The following NMT1 variants were observed in gnomAD, a reference collection of about 807,000 sequenced individuals.
The protein encoded by NMT1 is glycylpeptide N-tetradecanoyltransferase 1.
A neutral mutation model predicts 63.4 loss-of-function variants in NMT1; 12 were observed. That is an observed-to-expected ratio of 0.19 (90% CI 0.12 to 0.31). The LOEUF is 0.31. Ranked by LOEUF, NMT1 falls within the 10% of genes least tolerant of loss-of-function variation. The pLI, the probability that NMT1 is intolerant of heterozygous loss-of-function variation, is 1.00. For synonymous variants in NMT1, 228 were observed against 234.3 expected (o/e 0.97, Z 0.25); for missense variants, 432 against 634.6 (o/e 0.68, Z 3.43).
Position 45,095,315 on chromosome 17 carries a change from C to T in NMT1, c.505-879C>T, listed in dbSNP as rs547286247. On this transcript the variant is annotated intron_variant, in intron 4 of 11. Coordinates refer to ENST00000258960, the MANE Select transcript of NMT1 (RefSeq NM_021079.5). ...TAGAGATGGGGTTTCACCACATTGG[C>T]CAGGCTGGTCTTAAACTTCTGACCT... Among the ~76,000 whole-genome samples the T allele has an allele frequency of 2.0e-5, 3 of 152,032 alleles. No individual in the cohort carries two copies. In the East Asian group the frequency reaches 5.8e-4, roughly 30 times the overall value.
Position 45,105,909 on chromosome 17 carries a change from A to C in NMT1, c.*270A>C. On this transcript the variant is annotated 3_prime_UTR_variant, in exon 12 of 12. Transcript: ENST00000258960. This position sits in a 1 kb window ranked among gnomAD's most constrained non-coding sequence, Gnocchi z 4.2. ...GTGATCAAGGGAATGTAACTGCTGA[A>C]AACTAGCTCGTGATTGGCATATAAT... 2.5e-6 allele frequency: 1 copy of C among 404,454 alleles called. No individual in the cohort carries two copies. The highest frequency in any genetic ancestry group is 4.4e-6 in the Non-Finnish European group (1 of 228,288). 25.1% of individuals were successfully genotyped at this position (404,454 alleles called of 1,614,324 possible).
chr17:45,082,982 A>G (rs1178191725), intron 2 of NMT1, among the ~76,000 whole-genome samples: 1 of 151,794 alleles, frequency 6.6e-6, no homozygotes, highest in Non-Finnish European at 1.5e-5. Flanking sequence ...ACGCCACTGC[A>G]CTCCAGCCTG....
At chr17:45,081,208 T>C (rs2054015357) in intron 1 of NMT1, among the ~76,000 whole-genome samples, 1 of 152,134 alleles carries the variant, frequency 6.6e-6, no homozygotes, top group Non-Finnish European at 1.5e-5. Flanking sequence ...ACCTAATACA[T>C]TTGGGAGGTG....
chr17:45,095,481 T>C (rs11871043), intron 4 of NMT1, among the ~76,000 whole-genome samples: 86,183 of 151,944 alleles, frequency 0.57, 25,005 homozygotes, highest in African/African-American at 0.63. Flanking sequence ...GCCTTTGTGG[T>C]TGGGTGTGGT....
At chr17:45,090,535 C>T (rs1004678414) in intron 3 of NMT1, among the ~76,000 whole-genome samples, 5 of 152,210 alleles carry the variant, frequency 3.3e-5, no homozygotes, top group Admixed American at 3.3e-4. Flanking sequence ...GTGCACTCAC[C>T]TGGTTTCCAT....
In NMT1 at chr17:45,093,686, C is replaced by T. The variant is rs199678185; in HGVS notation, c.387C>T (p.Gly129=). Residue 129 remains glycine, a splice_region_variant and synonymous_variant, in exon 4 of 12, where the codon GGC becomes GGT. Transcript: ENST00000258960. ...FWDTQPVPKL[G]EVVNTHGPVE... is the part of the protein sequence containing the mutation. The stretch of plus-strand genomic sequence containing the variant: ...CTCACAGCTGTGCTCTTCTTTCAGG[C>T]GAAGTGGTGAACACCCATGGCCCCG... 12 of 1,613,586 alleles carry T rather than the reference C, an allele frequency of 7.4e-6. No homozygotes were observed. Among genetic ancestry groups the T allele is most frequent in the African/African-American group, 1.3e-5 (1 of 75,058 alleles).
At chr17:45,073,763 T>C (rs1255715122) in intron 1 of NMT1, among the ~76,000 whole-genome samples, 1 of 152,220 alleles carries the variant, frequency 6.6e-6, no homozygotes, top group Non-Finnish European at 1.5e-5. Flanking sequence ...CTTTAGAGAT[T>C]GATGGCTCCT....
Position 45,105,813 on chromosome 17 carries a change from GCTGCGTGACGTCACCTCCGGTCGTGTCT to G in NMT1, c.*178_*205del. 1 of 593,856 alleles carries G rather than the reference GCTGCGTGACGTCACCTCCGGTCGTGTCT, an allele frequency of 1.7e-6. No homozygotes were observed. Among genetic ancestry groups the G allele is most frequent in the Non-Finnish European group, 2.9e-6 (1 of 343,858 alleles). 36.8% of individuals were successfully genotyped at this position (593,856 alleles called of 1,614,324 possible). On this transcript the variant is annotated 3_prime_UTR_variant, in exon 12 of 12. Transcript: ENST00000258960. This position sits in a 1 kb window ranked among gnomAD's most constrained non-coding sequence, Gnocchi z 4.2. Reference sequence around the variant, plus strand: ...TGACAATTGTATTGCGATGGCGTGGGCTGCGTGACGTCACCTCCGGTCGTGTCTCTGGTCTCCGTGTTTTCCAGTTAAT... The same window carrying G: ...TGACAATTGTATTGCGATGGCGTGGGCTGGTCTCCGTGTTTTCCAGTTAAT...
At chr17:45,070,696 C>T (rs1171346711) in intron 1 of NMT1, among the ~76,000 whole-genome samples, 3 of 152,274 alleles carry the variant, frequency 2.0e-5, no homozygotes, top group African/African-American at 7.2e-5. Context: ...GAATTACAGG[C>T]GTGAGCCACC....
Position 45,108,037 on chromosome 17 carries a change from G to A in NMT1, c.*2398G>A, listed in dbSNP as rs1457290710. The A allele has an allele frequency of 6.6e-6, 1 of 152,228 alleles. No homozygotes were observed. The highest frequency in any genetic ancestry group is 2.4e-5 in the African/African-American group (1 of 41,458). The allele number at this position is 152,228 out of a possible 1,614,324, so 9.4% of individuals were successfully genotyped here. A position where few individuals can be genotyped will look rare whatever the true frequency, so the allele number is the denominator to read the frequency against. On this transcript the variant is annotated 3_prime_UTR_variant, in exon 12 of 12. Transcript: ENST00000258960. ...TTCAGCTCAGAGAGCACCATCCCGG[G>A]GGTCAGGGCCTCCCCACAGGAGCCC...
Position 45,093,667 on chromosome 17 carries a change from G to T in NMT1, c.386-18G>T. On this transcript the variant is annotated intron_variant, in intron 3 of 11. Coordinates refer to ENST00000258960, the MANE Select transcript of NMT1 (RefSeq NM_021079.5). ...GAGGGGGCAAAGGGTGAGGCTCACA[G>T]CTGTGCTCTTCTTTCAGGCGAAGTG... is the stretch of plus-strand genomic sequence containing the variant. The T allele has an allele frequency of 1.2e-6, 2 of 1,609,722 alleles. No homozygotes were observed. Among genetic ancestry groups the T allele is most frequent in the Non-Finnish European group, 1.7e-6 (2 of 1,176,054 alleles).
At chr17:45,097,370 G>A in intron 6 of NMT1, 126 bp downstream of exon 6, 1 of 772,936 alleles carries the variant, frequency 1.3e-6, no homozygotes, top group Non-Finnish European at 2.3e-6. Context: ...AAGGGAGGAT[G>A]CCCAGGTGCG....
chr17:45,074,690 C>G (rs2053966848), intron 1 of NMT1, among the ~76,000 whole-genome samples: 1 of 152,170 alleles, frequency 6.6e-6, no homozygotes, highest in African/African-American at 2.4e-5. Context: ...GGAGGCACTT[C>G]TGTTGCTGCA....
At chr17:45,090,999 G>C (rs1338784657) in intron 3 of NMT1, among the ~76,000 whole-genome samples, 1 of 152,082 alleles carries the variant, frequency 6.6e-6, no homozygotes, top group Non-Finnish European at 1.5e-5. Context: ...GGAGCCTTGG[G>C]CTGCTTCTTG....
intron 6 of NMT1, 24 bp downstream of exon 6, chr17:45,097,268 C>G (rs750726359): frequency 2.7e-6 from 4 of 1,490,556 alleles, no homozygotes; most frequent in Non-Finnish European, 2.8e-6. Context: ...CCTACCCCCA[C>G]CCCCCACAAC....
intron 8 of NMT1, among the ~76,000 whole-genome samples, chr17:45,102,166 A>G (rs187555443): frequency 6.6e-6 from 1 of 152,336 alleles, no homozygotes; most frequent in East Asian, 1.9e-4. Flanking sequence ...TTTAAAAGCA[A>G]TTCCTGCACT....
At position 45,104,712 on chromosome 17, in the gene NMT1, G is replaced by A. The variant is rs567090409; in HGVS notation, c.1333-147G>A. ...GTCCTGAGAACCACCCGGAGAGCGGGGATTAACGTGGAAGCAGCGGAGCTT... is the reference window on the plus strand; with the variant it reads ...GTCCTGAGAACCACCCGGAGAGCGGAGATTAACGTGGAAGCAGCGGAGCTT... On this transcript the variant is annotated intron_variant, in intron 10 of 11. Transcript: ENST00000258960. The surrounding 1 kb of genome is among the most constrained non-coding windows in gnomAD (Gnocchi z 4.2). 2.2e-5 allele frequency: 32 copies of A among 1,469,530 alleles called. No individual in the cohort carries two copies. The highest frequency in any genetic ancestry group is 2.3e-4 in the Middle Eastern group (1 of 4,398). The allele number at this position is 1,469,530 out of a possible 1,614,324, so 91.0% of individuals were successfully genotyped here. A position where few individuals can be genotyped will look rare whatever the true frequency, so the allele number is the denominator to read the frequency against.
chr17:45,072,685 G>A (rs1001890939), intron 1 of NMT1, among the ~76,000 whole-genome samples: 2 of 150,936 alleles, frequency 1.3e-5, no homozygotes, highest in African/African-American at 2.4e-5. Context: ...TCAGCCTCCC[G>A]AGTAGCTGGG....
intron 3 of NMT1, among the ~76,000 whole-genome samples, chr17:45,091,352 C>T (rs545269291): frequency 7.8e-4 from 119 of 152,224 alleles, no homozygotes; most frequent in African/African-American, 2.7e-3. Context: ...CTGTTTCATT[C>T]GCCAGCCCCT....
Sources: gnomAD v4.1 joint callset for allele counts (sites outside exome capture counted in the v4.1 genomes callset) on GRCh38, gnomAD v4.1.1 for gene constraint, Gnocchi (gnomAD v3.1) non-coding constraint, MANE v1.5 for transcripts, NCBI Gene and HGNC (gene_info 2026-07-23, HGNC 2026-07-21) for gene names.